JARID2: variants seen among roughly 807,000 people sequenced by gnomAD.
JARID2 encodes jumonji and AT-rich interaction domain containing 2.
In JARID2, 21 loss-of-function variants were observed where a neutral mutation model predicts 125.6. That is an observed-to-expected ratio of 0.17 (90% CI 0.12 to 0.24). The LOEUF (loss-of-function observed/expected upper bound fraction) is 0.24. Among genes scored for constraint, JARID2 ranks in the 10% least tolerant of loss-of-function variants. JARID2 has a pLI of 1.00. For synonymous variants in JARID2, 736 were observed against 661.6 expected (o/e 1.11, Z -1.73); for missense variants, 1,303 against 1,639.6 (o/e 0.79, Z 3.55).
rs561673758 is a variant in JARID2, at chr6:15,374,137, G to A, written c.66G>A (p.Pro22=). The A allele has an allele frequency of 1.2e-5, 19 of 1,613,976 alleles. No homozygotes were observed. The highest frequency in any genetic ancestry group is 6.7e-5 in the African/African-American group (5 of 75,030). ...TTCAGGATGACAGTGATGGGATTCC[G>A]TGGTCAGAAGAACGGGTGGTACGTA... ...QKKYDDSDGI[P]WSEERVVRKV... is the part of the protein sequence containing the mutation. Residue 22 remains proline, a synonymous_variant, in exon 2 of 18, where the codon CCG becomes CCA. Transcript: ENST00000341776.
intron 8 of JARID2, 143 bp from the exon 9 acceptor site, chr6:15,504,357 C>A: frequency 1.6e-6 from 1 of 630,110 alleles, no homozygotes; most frequent in South Asian, 1.8e-5. Context: ...TCTTCCTTCT[C>A]TGCCTGTCAT....
intron 3 of JARID2, among the ~76,000 whole-genome samples, chr6:15,451,434 AC>A (rs2127639880): frequency 6.6e-6 from 1 of 152,254 alleles, no homozygotes; most frequent in South Asian, 2.1e-4. Context: ...CTAGAGACAT[AC>A]CTTTTTTTCT....
At chr6:15,439,591 A>G (rs1767361613) in intron 3 of JARID2, among the ~76,000 whole-genome samples, 1 of 152,226 alleles carries the variant, frequency 6.6e-6, no homozygotes, top group African/African-American at 2.4e-5. Context: ...GGAGGGATTA[A>G]TGAAGGACTT....
Position 15,399,388 on chromosome 6 carries a change from G to A in JARID2, c.182-10836G>A, listed in dbSNP as rs187191076. Reference sequence around the variant, plus strand: ...CAGTTTCATCATCTATGAAGTGGGGGAATTGTAGTAGAGTATCTCTGAGGC... The same window carrying A: ...CAGTTTCATCATCTATGAAGTGGGGAAATTGTAGTAGAGTATCTCTGAGGC... On this transcript the variant is annotated intron_variant, in intron 2 of 17. Transcript: ENST00000341776. 4.1e-3 allele frequency among the ~76,000 whole-genome samples: 624 copies of A among 152,242 alleles called. 8 individuals are homozygous for A. The highest frequency in any genetic ancestry group is 0.014 in the African/African-American group (569 of 41,536).
rs570826111 is a variant in JARID2, at chr6:15,489,430, C to T, written c.906+1888C>T. On this transcript the variant is annotated intron_variant, in intron 6 of 17. Transcript: ENST00000341776. Reference sequence around the variant, plus strand: ...TCTCATGCACGGACAGACACGGGTGCGCACATCCTCTTGCACGGTCACGAA... The same window carrying T: ...TCTCATGCACGGACAGACACGGGTGTGCACATCCTCTTGCACGGTCACGAA... 2.0e-5 allele frequency among the ~76,000 whole-genome samples: 3 copies of T among 152,288 alleles called. No homozygotes were observed. The South Asian group carries it at 6.2e-4, about 32-fold the overall frequency.
At chr6:15,410,430 T>C in intron 3 of JARID2, 65 bp downstream of exon 3, 1 of 1,519,442 alleles carries the variant, frequency 6.6e-7, no homozygotes, top group Non-Finnish European at 9.1e-7. Context: ...GGTGCCAGTT[T>C]TCACCACATG....
At chr6:15,435,273 T>C (rs1767153990) in intron 3 of JARID2, among the ~76,000 whole-genome samples, 1 of 152,242 alleles carries the variant, frequency 6.6e-6, no homozygotes, top group African/African-American at 2.4e-5. Flanking sequence ...TTTTGCTACA[T>C]ACCTTAGGGT....
chr6:15,436,483 T>C (rs962157655), intron 3 of JARID2, among the ~76,000 whole-genome samples: 1 of 152,168 alleles, frequency 6.6e-6, no homozygotes, highest in Non-Finnish European at 1.5e-5. Flanking sequence ...CTTGGGTTTT[T>C]ATAGGTTTTC....
chr6:15,248,830 G>A (rs1759311999), intron 1 of JARID2: 1 of 848,280 alleles, frequency 1.2e-6, no homozygotes, highest in South Asian at 5.3e-5. Flanking sequence ...CAGGCGCGGC[G>A]GGGCGGCGGG....
intron 1 of JARID2, among the ~76,000 whole-genome samples, chr6:15,303,092 A>C (rs965404316): frequency 6.6e-6 from 1 of 152,196 alleles, no homozygotes; most frequent in Non-Finnish European, 1.5e-5. Flanking sequence ...AGTAAATTCG[A>C]AGTTATGCCA....
At chr6:15,475,731 G>T (rs965323135) in intron 5 of JARID2, among the ~76,000 whole-genome samples, 7 of 152,172 alleles carry the variant, frequency 4.6e-5, no homozygotes, top group African/African-American at 1.7e-4. Context: ...AGAACGGTTT[G>T]GATATAGTTA....
At chr6:15,349,322 G>A (rs1288160980) in intron 1 of JARID2, among the ~76,000 whole-genome samples, 1 of 152,162 alleles carries the variant, frequency 6.6e-6, no homozygotes, top group Non-Finnish European at 1.5e-5. Flanking sequence ...GGGCAGGTAA[G>A]TTTTTAGTGT....
intron 4 of JARID2, among the ~76,000 whole-genome samples, chr6:15,455,054 G>A (rs115015322): frequency 0.013 from 1,984 of 152,124 alleles, 47 homozygotes; most frequent in African/African-American, 0.045. Flanking sequence ...ATATCTAGCC[G>A]CGCTTGGTTG....
intron 1 of JARID2, among the ~76,000 whole-genome samples, chr6:15,307,167 C>T (rs1026534555): frequency 3.3e-5 from 5 of 151,832 alleles, no homozygotes; most frequent in African/African-American, 7.2e-5. Context: ...GCCTGAACCC[C>T]GGAGGTGGAG....
rs780775172 is a variant in JARID2 at position 15,520,842 on chromosome 6, C to A, written c.*591C>A. 4.4e-6 allele frequency: 2 copies of A among 455,732 alleles called. 1 individual carries two copies. The highest frequency in any genetic ancestry group is 3.1e-5 in the South Asian group (2 of 64,546). 28.2% of individuals were successfully genotyped at this position (455,732 alleles called of 1,614,324 possible). On this transcript the variant is annotated 3_prime_UTR_variant, in exon 18 of 18. Coordinates refer to ENST00000341776, the MANE Select transcript of JARID2 (RefSeq NM_004973.4). Reference sequence around the variant, plus strand: ...GCTGAAGGCGGACGTTGTTTCCTAACCATAGGTGGAACGAGGAGACGGGAG... The same window carrying A: ...GCTGAAGGCGGACGTTGTTTCCTAAACATAGGTGGAACGAGGAGACGGGAG...
At chr6:15,388,538 A>T (rs1308613593) in intron 2 of JARID2, among the ~76,000 whole-genome samples, 3 of 151,102 alleles carry the variant, frequency 2.0e-5, no homozygotes, top group Non-Finnish European at 4.4e-5. Flanking sequence ...TCGTTCAAGG[A>T]GGTGTGGGGA....
intron 2 of JARID2, among the ~76,000 whole-genome samples, chr6:15,382,306 G>C (rs919742310): frequency 1.3e-5 from 2 of 152,200 alleles, no homozygotes; most frequent in Non-Finnish European, 2.9e-5. Flanking sequence ...GGTGAGTGCA[G>C]GAGGCTAGCA....
intron 3 of JARID2, among the ~76,000 whole-genome samples, chr6:15,422,985 CTTTTTTTTTT>C (rs375223254): frequency 7.9e-6 from 1 of 125,922 alleles, no homozygotes; most frequent in Non-Finnish European, 1.6e-5. Flanking sequence ...GTAGCCTAGT[CTTTTTTTTTT>C]TTTTTTTTTT....
In JARID2 at chr6:15,520,123, G is replaced by A. The variant is rs1771762946; in HGVS notation, c.3613G>A (p.Gly1205Ser). 10 of 1,613,722 alleles carry A rather than the reference G, an allele frequency of 6.2e-6. No individual in the cohort carries two copies. The highest frequency in any genetic ancestry group is 1.1e-5 in the South Asian group (1 of 91,054). The change falls in exon 18 of 18, where the codon GGC (glycine) becomes AGC (serine). Residue 1205 changes from glycine to serine, a missense_variant. By Grantham distance (56) the Gly-to-Ser change is moderately conservative. Transcript: ENST00000341776. ...QICGKVSGKN[G>S]SIENCLSKPT... ...CTGCGGCAAAGTGTCTGGTAAAAAC[G>A]GCAGCATTGAGAACTGTCTCAGTAA... is the stretch of plus-strand genomic sequence containing the variant.
Sources: gnomAD v4.1 joint callset for allele counts (sites outside exome capture counted in the v4.1 genomes callset) on GRCh38, gnomAD v4.1.1 for gene constraint, MANE v1.5 for transcripts, NCBI Gene and HGNC (gene_info 2026-07-23, HGNC 2026-07-21) for gene names.